PRICKLE1: variants seen among roughly 807,000 people sequenced by gnomAD.
PRICKLE1 encodes the protein prickle planar cell polarity protein 1.
PRICKLE1 carries 14 observed loss-of-function variants against 70.2 expected under a neutral mutation model. The ratio of observed to expected loss-of-function variants is 0.20; its 90% confidence interval spans 0.13 to 0.31. PRICKLE1 has a LOEUF of 0.31. Among genes scored for constraint, PRICKLE1 ranks in the 10% least tolerant of loss-of-function variants. PRICKLE1 has a pLI of 1.00. For synonymous variants in PRICKLE1, 357 were observed against 379.9 expected (o/e 0.94, Z 0.70); for missense variants, 821 against 1,026.2 (o/e 0.80, Z 2.73).
chr12:42,519,213 T>TTTTTTTTA (rs56232709), intron 1 of PRICKLE1, among the ~76,000 whole-genome samples: 1 of 140,728 alleles, frequency 7.1e-6, no homozygotes, highest in African/African-American at 2.8e-5. Context: ...TTTTTTTTTT[T>TTTTTTTTA]GAGATGGTGT....
intron 1 of PRICKLE1, among the ~76,000 whole-genome samples, chr12:42,481,770 C>T (rs1473033004): frequency 6.6e-6 from 1 of 152,226 alleles, no homozygotes; most frequent in Non-Finnish European, 1.5e-5. Flanking sequence ...TGGATATACA[C>T]ATTTCCTTGT....
At chr12:42,502,103 G>C (rs2140182987) in intron 1 of PRICKLE1, among the ~76,000 whole-genome samples, 2 of 151,250 alleles carry the variant, frequency 1.3e-5, no homozygotes, top group East Asian at 3.9e-4. Context: ...GTCTCAGAAG[G>C]GTAAATACAA....
chr12:42,460,715 G>A (rs764151052), intron 7 of PRICKLE1, 50 bp from the exon 8 acceptor site: 11 of 1,590,820 alleles, frequency 6.9e-6, no homozygotes, highest in African/African-American at 1.3e-5. Context: ...CCTAATATTC[G>A]ACAGTACTTA....
chr12:42,520,395 T>A (rs1337404551), intron 1 of PRICKLE1, among the ~76,000 whole-genome samples: 4 of 152,200 alleles, frequency 2.6e-5, no homozygotes, highest in Admixed American at 2.6e-4. Context: ...AGACAGAATA[T>A]GACTCTCCCA....
intron 1 of PRICKLE1, among the ~76,000 whole-genome samples, chr12:42,540,430 T>C (rs1391227302): frequency 6.6e-6 from 1 of 152,224 alleles, no homozygotes; most frequent in Non-Finnish European, 1.5e-5. Context: ...GTTAGGAGCA[T>C]TAAATGCAAT....
intron 1 of PRICKLE1, among the ~76,000 whole-genome samples, chr12:42,523,696 C>T (rs1376929): frequency 0.33 from 50,872 of 151,988 alleles, 10,282 homozygotes; most frequent in East Asian, 0.51. Flanking sequence ...GGTGGAAATG[C>T]AGCTATAAAC....
intron 1 of PRICKLE1, among the ~76,000 whole-genome samples, chr12:42,529,063 A>G (rs1284393851): frequency 6.6e-6 from 1 of 152,218 alleles, no homozygotes; most frequent in Non-Finnish European, 1.5e-5. Context: ...TATCAGACTT[A>G]GACTTTTAGC....
chr12:42,552,488 G>C (rs948116037), intron 1 of PRICKLE1, among the ~76,000 whole-genome samples: 1 of 152,240 alleles, frequency 6.6e-6, no homozygotes, highest in Admixed American at 6.5e-5. Flanking sequence ...GCCCCGAACA[G>C]AGCAAGTGCT....
At position 42,534,160 on chromosome 12, in the gene PRICKLE1, G is replaced by T. The variant is rs114689623; in HGVS notation, c.-49+55305C>A. On this transcript the variant is annotated intron_variant, in intron 1 of 7. Transcript: ENST00000345127. ...TGGTGGTCAGGGCAATAAAGGAAAA[G>T]ATGAAGAAAGAAAGAAAGAAAAGAG... Among the ~76,000 whole-genome samples, 653 of 152,234 alleles carry T rather than the reference G, an allele frequency of 4.3e-3. 3 individuals are homozygous for T. Among genetic ancestry groups the T allele is most frequent in the African/African-American group, 0.015 (624 of 41,530 alleles).
chr12:42,460,788 C>T lies in PRICKLE1; in HGVS notation c.1640-123G>A, dbSNP rs959822383. The T allele has an allele frequency of 2.1e-5, 25 of 1,183,710 alleles. No homozygotes were observed. In the African/African-American group the frequency reaches 3.6e-4, roughly 17 times the overall value. 73.3% of individuals were successfully genotyped at this position (1,183,710 alleles called of 1,614,324 possible). ...TTCCAATCTCAATATTTGATTAAAA[C>T]CCATAGGGAAAGCCAACATGTATCT... On this transcript the variant is annotated intron_variant, in intron 7 of 7. Coordinates refer to ENST00000345127, the MANE Select transcript of PRICKLE1 (RefSeq NM_153026.3).
At chr12:42,479,816 A>G (rs1257921688) in intron 1 of PRICKLE1, among the ~76,000 whole-genome samples, 1 of 152,076 alleles carries the variant, frequency 6.6e-6, no homozygotes, top group Admixed American at 6.6e-5. Flanking sequence ...TTAGCCGGGC[A>G]TGGTGGCGCA....
At chr12:42,548,604 C>T (rs1940252663) in intron 1 of PRICKLE1, among the ~76,000 whole-genome samples, 1 of 152,108 alleles carries the variant, frequency 6.6e-6, no homozygotes, top group Admixed American at 6.6e-5. Context: ...TACAGGAGTT[C>T]CGAAGAGCAA....
intron 1 of PRICKLE1, among the ~76,000 whole-genome samples, chr12:42,522,068 C>T (rs930183419): frequency 9.2e-5 from 14 of 151,588 alleles, no homozygotes; most frequent in Middle Eastern, 3.4e-3. Flanking sequence ...CTCCACCTCG[C>T]GGGTTCAAGT....
At chr12:42,508,926 T>C (rs562888286) in intron 1 of PRICKLE1, among the ~76,000 whole-genome samples, 2 of 152,342 alleles carry the variant, frequency 1.3e-5, no homozygotes, top group East Asian at 3.9e-4. Flanking sequence ...AATCCTATAA[T>C]TCTCTGATTC....
At chr12:42,543,930 A>G in intron 1 of PRICKLE1, among the ~76,000 whole-genome samples, 1 of 152,260 alleles carries the variant, frequency 6.6e-6, no homozygotes, top group East Asian at 1.9e-4. Flanking sequence ...TATTTTTACA[A>G]TAAAGTAAGC....
intron 1 of PRICKLE1, chr12:42,490,055 C>T (rs1357708121): frequency 2.6e-5 from 4 of 151,948 alleles, no homozygotes; most frequent in Non-Finnish European, 5.9e-5. Flanking sequence ...GAAAAATACA[C>T]AAAAAAGTGA....
intron 1 of PRICKLE1, among the ~76,000 whole-genome samples, chr12:42,527,684 G>A (rs547959980): frequency 7.9e-5 from 12 of 152,126 alleles, no homozygotes; most frequent in African/African-American, 2.9e-4. Flanking sequence ...ACAAAGTGGT[G>A]GGCTGGGTCT....
rs1488694285 is a variant in PRICKLE1, at chr12:42,527,921, A to C, written c.-48-55357T>G. On this transcript the variant is annotated intron_variant, in intron 1 of 7. Coordinates refer to ENST00000345127, the MANE Select transcript of PRICKLE1 (RefSeq NM_153026.3). ...AGTTTATATATACTCTTTATAATAT[A>C]TATATATATATATATATATATATAT... Among the ~76,000 whole-genome samples, 13 of 3,464 alleles carry C rather than the reference A, an allele frequency of 3.8e-3. 2 individuals carry two copies. The highest frequency in any genetic ancestry group is 0.012 in the African/African-American group (13 of 1,062). 2.3% of individuals were successfully genotyped at this position (3,464 alleles called of 152,430 possible). A position where few individuals can be genotyped will look rare whatever the true frequency, so the allele number is the denominator to read the frequency against.
At chr12:42,527,124 TC>T (rs1023949539) in intron 1 of PRICKLE1, among the ~76,000 whole-genome samples, 4 of 114,420 alleles carry the variant, frequency 3.5e-5, no homozygotes, top group Non-Finnish European at 6.8e-5. Flanking sequence ...TTTTTTTTTT[TC>T]CTCTTTTTTT....
Sources: gnomAD v4.1 joint callset for allele counts (sites outside exome capture counted in the v4.1 genomes callset) on GRCh38, gnomAD v4.1.1 for gene constraint, MANE v1.5 for transcripts, NCBI Gene and HGNC (gene_info 2026-07-23, HGNC 2026-07-21) for gene names.